The following EYA1 variants were observed in gnomAD, a reference collection of about 807,000 sequenced individuals.
EYA1 encodes protein phosphatase EYA1.
EYA1 carries 16 observed loss-of-function variants against 82.0 expected under a neutral mutation model. The ratio of observed to expected loss-of-function variants is 0.20; its 90% confidence interval spans 0.13 to 0.30. The LOEUF (loss-of-function observed/expected upper bound fraction) is 0.30. EYA1 is among the 10% of genes least tolerant of loss of function. The pLI is 1.00. For missense variants in EYA1, 633 were observed against 730.7 expected (o/e 0.87, Z 1.54); for synonymous variants, 261 against 264.4 (o/e 0.99, Z 0.12).
At chr8:71,517,251 C>T (rs1359259894) in intron 2 of EYA1, among the ~76,000 whole-genome samples, 1 of 152,064 alleles carries the variant, frequency 6.6e-6, no homozygotes, top group Non-Finnish European at 1.5e-5. Flanking sequence ...TTTCAACTCT[C>T]TACAAACATC....
At chr8:71,259,717 T>C (rs1421020435) in intron 11 of EYA1, among the ~76,000 whole-genome samples, 1 of 152,188 alleles carries the variant, frequency 6.6e-6, no homozygotes, top group East Asian at 1.9e-4. Flanking sequence ...TCAAAACAGA[T>C]AGAAAGTTGA....
intron 2 of EYA1, among the ~76,000 whole-genome samples, chr8:71,485,646 G>T (rs913033600): frequency 6.6e-6 from 1 of 152,076 alleles, no homozygotes; most frequent in Non-Finnish European, 1.5e-5. Flanking sequence ...ATGGAATATG[G>T]CTTTGTTTTT....
At chr8:71,344,082 A>G (rs910374027) in intron 3 of EYA1, among the ~76,000 whole-genome samples, 10 of 152,092 alleles carry the variant, frequency 6.6e-5, no homozygotes, top group African/African-American at 1.7e-4. Flanking sequence ...CTTCCCCTAA[A>G]CACTTCAGCA....
intron 2 of EYA1, among the ~76,000 whole-genome samples, chr8:71,395,198 T>C (rs1032576888): frequency 1.3e-5 from 2 of 151,412 alleles, no homozygotes; most frequent in African/African-American, 2.4e-5. Context: ...TGGGCTGAGA[T>C]GATGGGGTTT....
At chr8:71,372,863 C>G (rs1180735556) in intron 2 of EYA1, among the ~76,000 whole-genome samples, 1 of 152,084 alleles carries the variant, frequency 6.6e-6, no homozygotes, top group Non-Finnish European at 1.5e-5. Context: ...ACCACATTAA[C>G]AGAATGACAT....
chr8:71,347,647 A>G (rs1825874048), intron 3 of EYA1, among the ~76,000 whole-genome samples: 1 of 152,164 alleles, frequency 6.6e-6, no homozygotes, highest in African/African-American at 2.4e-5. Flanking sequence ...TCAAAAACTT[A>G]GTCAATGCAG....
In EYA1 at chr8:71,469,495, A is replaced by C. The variant is rs528010268; in HGVS notation, c.33+66249T>G. Among the ~76,000 whole-genome samples the C allele has an allele frequency of 3.9e-4, 59 of 152,262 alleles. 1 individual carries two copies. Among genetic ancestry groups the C allele is most frequent in the Non-Finnish European group, 4.6e-4 (31 of 67,990 alleles). ...TGTCCTGCTTACCACCACTTAGCAC[A>C]TTGTAAATACCCAATTAGTTCCTTC... is the stretch of plus-strand genomic sequence containing the variant. On this transcript the variant is annotated intron_variant, in intron 2 of 18. Transcript: ENST00000643681.
chr8:71,348,324 T>C (rs2129061101), intron 3 of EYA1, among the ~76,000 whole-genome samples: 1 of 152,312 alleles, frequency 6.6e-6, no homozygotes. Flanking sequence ...CAAAGGCATA[T>C]GAATTTGACT....
chr8:71,536,592 C>T (rs966546513), intron 1 of EYA1, among the ~76,000 whole-genome samples: 5 of 152,172 alleles, frequency 3.3e-5, no homozygotes, highest in African/African-American at 9.7e-5. Context: ...AAATGAGGTA[C>T]TCAAAAGATA....
rs776600380 is a variant in EYA1 at position 71,243,526 on chromosome 8, A to AG, written c.1140+1076dup. Among the ~76,000 whole-genome samples, 312 of 152,350 alleles carry AG rather than the reference A, an allele frequency of 2.0e-3. 1 individual carries two copies. Among genetic ancestry groups the AG allele is most frequent in the Non-Finnish European group, 3.5e-3 (239 of 68,028 alleles). ...TAAAATAAATTTTTCACTAAGGAAG[A>AG]GAAAAAATAAAGCATATTTAATAAC... On this transcript the variant is annotated intron_variant, in intron 12 of 17. Coordinates refer to ENST00000340726, the MANE Select transcript of EYA1 (RefSeq NM_000503.6).
intron 3 of EYA1, among the ~76,000 whole-genome samples, chr8:71,338,954 G>A (rs1824812388): frequency 6.6e-6 from 1 of 152,030 alleles, no homozygotes; most frequent in Non-Finnish European, 1.5e-5. Flanking sequence ...ACTATATTAT[G>A]CAGGGACTTC....
At chr8:71,359,226 A>G (rs1409120304) in intron 1 of EYA1, among the ~76,000 whole-genome samples, 2 of 152,168 alleles carry the variant, frequency 1.3e-5, no homozygotes, top group Non-Finnish European at 2.9e-5. Context: ...AGGTCTTTTA[A>G]GTTTGCCTTT....
intron 17 of EYA1, among the ~76,000 whole-genome samples, chr8:71,202,408 C>G (rs1807155041): frequency 6.6e-6 from 1 of 152,138 alleles, no homozygotes. Context: ...TTAAACCATA[C>G]TCAACACTAT....
At chr8:71,265,545 T>A (rs549113586) in intron 11 of EYA1, among the ~76,000 whole-genome samples, 141 of 152,328 alleles carry the variant, frequency 9.3e-4, no homozygotes, top group Non-Finnish European at 1.3e-3. Context: ...GTTGAAACAA[T>A]CAAGGCGTTG....
chr8:71,286,574 G>A (rs1392052836), intron 9 of EYA1, among the ~76,000 whole-genome samples: 2 of 152,138 alleles, frequency 1.3e-5, no homozygotes, highest in African/African-American at 4.8e-5. Context: ...GAAACTCATA[G>A]GCTTTACTAA....
chr8:71,369,543 T>C (rs1827969186), intron 2 of EYA1, among the ~76,000 whole-genome samples: 1 of 152,156 alleles, frequency 6.6e-6, no homozygotes, highest in African/African-American at 2.4e-5. Flanking sequence ...CAAATTGGTA[T>C]GTGGATGAAA....
At position 71,339,589 on chromosome 8, in the gene EYA1, C is replaced by G. The variant is rs114166692; in HGVS notation, c.125-5415G>C. Among the ~76,000 whole-genome samples the G allele has an allele frequency of 7.3e-3, 1,109 of 152,212 alleles. 13 individuals are homozygous for G. Among genetic ancestry groups the G allele is most frequent in the African/African-American group, 0.025 (1,040 of 41,534 alleles). ...CCACACCAACTATTTCCCTTCCACA[C>G]CAACTATTTTCTAAAGAATGTTGAT... On this transcript the variant is annotated intron_variant, in intron 3 of 17. Transcript: ENST00000340726.
At chr8:71,352,047 G>A (rs556208700) in intron 3 of EYA1, among the ~76,000 whole-genome samples, 3 of 152,168 alleles carry the variant, frequency 2.0e-5, no homozygotes, top group African/African-American at 4.8e-5. Flanking sequence ...AGCTGAAAAT[G>A]TTCATTGTAG....
intron 2 of EYA1, among the ~76,000 whole-genome samples, chr8:71,481,983 G>T (rs1489697288): frequency 6.6e-6 from 1 of 152,060 alleles, no homozygotes; most frequent in Non-Finnish European, 1.5e-5. Context: ...GAAAGAGGAA[G>T]ACCACAGTCT....
Sources: gnomAD v4.1 joint callset for allele counts (sites outside exome capture counted in the v4.1 genomes callset) on GRCh38, gnomAD v4.1.1 for gene constraint, MANE v1.5 for transcripts, NCBI Gene and HGNC (gene_info 2026-07-23, HGNC 2026-07-21) for gene names.